The following GPR26 variants were observed in gnomAD, a reference collection of about 807,000 sequenced individuals.
GPR26 encodes G protein-coupled receptor 26.
GPR26 carries 15 observed loss-of-function variants against 23.1 expected under a neutral mutation model. The observed-to-expected ratio is 0.65, with a 90% CI of 0.43 to 1.00. The LOEUF is 1.00. Among genes scored for constraint, GPR26 ranks in the 50% least tolerant of loss-of-function variants. GPR26 has a pLI of 0.00. For missense variants in GPR26, 359 were observed against 470.5 expected (o/e 0.76, Z 2.19); for synonymous variants, 228 against 222.1 (o/e 1.03, Z -0.24).
At position 123,689,367 on chromosome 10, in the gene GPR26, T is replaced by C. The variant is rs1845467397; in HGVS notation, c.*1207T>C. On this transcript the variant is annotated 3_prime_UTR_variant, in exon 3 of 3. Transcript: ENST00000284674. ...TCCAGGTTCAAGTGATTAGAGACAG[T>C]GAAATTTTTATGGAATACTGCACCT... is the stretch of plus-strand genomic sequence containing the variant. 6.6e-6 allele frequency: 1 copy of C among 152,032 alleles called. No homozygotes were observed. The highest frequency in any genetic ancestry group is 1.5e-5 in the Non-Finnish European group (1 of 68,040). 9.4% of individuals were successfully genotyped at this position (152,032 alleles called of 1,614,324 possible). A position where few individuals can be genotyped will look rare whatever the true frequency, so the allele number is the denominator to read the frequency against.
chr10:123,669,319 G>A (rs1372642611), intron 1 of GPR26, among the ~76,000 whole-genome samples: 1 of 152,218 alleles, frequency 6.6e-6, no homozygotes, highest in Non-Finnish European at 1.5e-5. Context: ...ATGTGGGAGG[G>A]ACAACACAGG....
chr10:123,687,515 CTA>C (rs1306237084), intron 2 of GPR26, among the ~76,000 whole-genome samples: 2 of 152,182 alleles, frequency 1.3e-5, no homozygotes, highest in Non-Finnish European at 2.9e-5. Context: ...AGACAGCCAG[CTA>C]TTAGCTAATA....
rs1385232369 is a variant in GPR26 at position 123,696,116 on chromosome 10, G to A, written c.*7956G>A. On this transcript the variant is annotated 3_prime_UTR_variant, in exon 3 of 3. Transcript: ENST00000284674. ...ATTAATGCTGGTGTTTGGTGAGGAAGCTCCTAGGAATGCATAGATCTCTCC... is the reference window on the plus strand; with the variant it reads ...ATTAATGCTGGTGTTTGGTGAGGAAACTCCTAGGAATGCATAGATCTCTCC... Among the ~76,000 whole-genome samples the A allele has an allele frequency of 6.6e-6, 1 of 152,220 alleles. No homozygotes were observed. The highest frequency in any genetic ancestry group is 1.9e-4 in the East Asian group (1 of 5,192).
In GPR26 at chr10:123,695,454, G is replaced by A. The variant is rs1258778175; in HGVS notation, c.*7294G>A. Among the ~76,000 whole-genome samples, 1 of 152,192 alleles carries A rather than the reference G, an allele frequency of 6.6e-6. No individual in the cohort carries two copies. The highest frequency in any genetic ancestry group is 1.5e-5 in the Non-Finnish European group (1 of 68,046). Reference sequence around the variant, plus strand: ...CAAGAGCCTAAAATCTGTATTTGGAGAGAGGAAGTCTACTCTTAACTGTGA... The same window carrying A: ...CAAGAGCCTAAAATCTGTATTTGGAAAGAGGAAGTCTACTCTTAACTGTGA... On this transcript the variant is annotated 3_prime_UTR_variant, in exon 3 of 3. Transcript: ENST00000284674.
intron 2 of GPR26, among the ~76,000 whole-genome samples, chr10:123,680,824 TTTTG>T (rs1845364280): frequency 1.7e-5 from 2 of 118,558 alleles, no homozygotes; most frequent in Non-Finnish European, 3.6e-5. Context: ...TGTTTTGTTT[TTTTG>T]GGGGGGGGGG....
rs759586949 is a variant in GPR26, at chr10:123,695,106, A to G, written c.*6946A>G. 9.2e-5 allele frequency among the ~76,000 whole-genome samples: 14 copies of G among 152,198 alleles called. No individual in the cohort carries two copies. Among genetic ancestry groups the G allele is most frequent in the Non-Finnish European group, 1.9e-4 (13 of 68,024 alleles). On this transcript the variant is annotated 3_prime_UTR_variant, in exon 3 of 3. Coordinates refer to ENST00000284674, the MANE Select transcript of GPR26 (RefSeq NM_153442.4). ...TCACCCTCCCTTCACTCCCACACCT[A>G]TCTCCGGGTGTTGCCCGTACAGTGT... is the stretch of plus-strand genomic sequence containing the variant.
At position 123,666,770 on chromosome 10, in the gene GPR26, C is replaced by G. The variant is rs747012272; in HGVS notation, c.363C>G (p.Arg121=). The G allele has an allele frequency of 2.5e-6, 4 of 1,602,708 alleles. No homozygotes were observed. The highest frequency in any genetic ancestry group is 3.4e-6 in the Non-Finnish European group (4 of 1,177,244). The change falls in exon 1 of 3, where the codon CGC becomes CGG. Residue 121 remains arginine (R), a synonymous_variant. Transcript: ENST00000284674. ...PLSYRAKMRL[R]DAALMVAYTW... is the part of the protein sequence containing the mutation. ...GCTACCGGGCCAAGATGCGCCTCCG[C>G]GACGCGGCGCTCATGGTGGCCTACA... is the stretch of plus-strand genomic sequence containing the variant.
At chr10:123,686,808 G>A (rs920306940) in intron 2 of GPR26, among the ~76,000 whole-genome samples, 5 of 152,156 alleles carry the variant, frequency 3.3e-5, no homozygotes, top group African/African-American at 1.2e-4. Flanking sequence ...ACCTTCCATG[G>A]CCACTGACTT....
In GPR26 at chr10:123,666,590, G is replaced by A. The variant is rs952465146; in HGVS notation, c.183G>A (p.Pro61=). The stretch of plus-strand genomic sequence containing the variant: ...TGCTGTGCACCGTGGTCAACATGCC[G>A]CTCACGCTGGCCGGCGTCGTGGCGC... ...GNLLCTVVNM[P]LTLAGVVAQR... The change falls in exon 1 of 3, where the codon CCG becomes CCA. Residue 61 remains proline, a synonymous_variant. Transcript: ENST00000284674. 6.3e-7 allele frequency: 1 copy of A among 1,594,656 alleles called. No individual in the cohort carries two copies.
chr10:123,670,048 C>T (rs1028691692), intron 1 of GPR26, among the ~76,000 whole-genome samples: 4 of 152,188 alleles, frequency 2.6e-5, no homozygotes, highest in African/African-American at 9.7e-5. Flanking sequence ...CTTGCTCTTC[C>T]CTGACTCACT....
At chr10:123,679,575 T>A (rs1448617206) in intron 2 of GPR26, among the ~76,000 whole-genome samples, 1 of 152,078 alleles carries the variant, frequency 6.6e-6, no homozygotes, top group Non-Finnish European at 1.5e-5. Flanking sequence ...CTCTATTGCA[T>A]CCCAACCCAT....
intron 1 of GPR26, among the ~76,000 whole-genome samples, chr10:123,673,798 A>T (rs1026085361): frequency 6.6e-6 from 1 of 152,218 alleles, no homozygotes; most frequent in Non-Finnish European, 1.5e-5. Flanking sequence ...AGGCTGCCTC[A>T]GATGTAAAAG....
chr10:123,679,977 G>A (rs1018110511), intron 2 of GPR26, among the ~76,000 whole-genome samples: 3 of 152,226 alleles, frequency 2.0e-5, no homozygotes, highest in Non-Finnish European at 2.9e-5. Context: ...TCCAGGGGTA[G>A]GTCCTGGAAA....
At chr10:123,680,272 A>G (rs570798352) in intron 2 of GPR26, among the ~76,000 whole-genome samples, 2 of 152,312 alleles carry the variant, frequency 1.3e-5, no homozygotes, top group Non-Finnish European at 2.9e-5. Context: ...TGAGCTAAGA[A>G]ATGTATTACC....
At chr10:123,681,786 C>G (rs1845380746) in intron 2 of GPR26, among the ~76,000 whole-genome samples, 1 of 152,202 alleles carries the variant, frequency 6.6e-6, no homozygotes, top group South Asian at 2.1e-4. Flanking sequence ...GGTTCTCAAG[C>G]TTTCTATTGG....
intron 2 of GPR26, among the ~76,000 whole-genome samples, chr10:123,686,285 T>C (rs1845429674): frequency 6.6e-6 from 1 of 152,244 alleles, no homozygotes; most frequent in African/African-American, 2.4e-5. Context: ...AATTCATTGT[T>C]ATTATTAGGT....
intron 2 of GPR26, among the ~76,000 whole-genome samples, chr10:123,676,125 C>A (rs1845308107): frequency 3.8e-5 from 1 of 26,146 alleles, no homozygotes; most frequent in African/African-American, 2.2e-4. Context: ...TCACAGGAGC[C>A]CCCTGTGGAT....
At chr10:123,671,893 A>T (rs972518945) in intron 1 of GPR26, among the ~76,000 whole-genome samples, 2 of 152,224 alleles carry the variant, frequency 1.3e-5, no homozygotes, top group African/African-American at 4.8e-5. Flanking sequence ...CAAGGAGCTC[A>T]GTTTTGCAAA....
rs1845540148 is a variant in GPR26 at position 123,696,055 on chromosome 10, G to C, written c.*7895G>C. 6.6e-6 allele frequency among the ~76,000 whole-genome samples: 1 copy of C among 152,162 alleles called. No homozygotes were observed. ...GATTTAATTTTCACAGGCTCATCTG[G>C]GAGAAGGATCAAATCCTGCCATCTG... On this transcript the variant is annotated 3_prime_UTR_variant, in exon 3 of 3. Transcript: ENST00000284674.
Sources: allele counts gnomAD v4.1 joint callset (sites outside exome capture counted in the v4.1 genomes callset), GRCh38; gene constraint gnomAD v4.1.1; transcripts MANE v1.5; gene names NCBI Gene and HGNC (gene_info 2026-07-23, HGNC 2026-07-21).